The following OPCML variants were observed in gnomAD, a reference collection of about 807,000 sequenced individuals.
OPCML encodes the protein opioid-binding protein/cell adhesion molecule.
A neutral mutation model predicts 37.8 loss-of-function variants in OPCML; 13 were observed. That is an observed-to-expected ratio of 0.34 (90% CI 0.22 to 0.55). The LOEUF (loss-of-function observed/expected upper bound fraction) is 0.55, where lower values mean the gene tolerates loss of function less well. Among genes scored for constraint, OPCML ranks in the 20% least tolerant of loss-of-function variants. The pLI is 0.91. For missense variants in OPCML, 341 were observed against 435.6 expected, an observed-to-expected ratio of 0.78 and a Z score of 1.93; for synonymous variants, 176 against 168.8, an observed-to-expected ratio of 1.04 and a Z score of -0.33.
At chr11:132,447,464 A>ATTTTTTTT (rs537083917) in intron 4 of OPCML, among the ~76,000 whole-genome samples, 2 of 142,616 alleles carry the variant, frequency 1.4e-5, no homozygotes, top group Admixed American at 7.0e-5. Flanking sequence ...TGCCCAGTTA[A>ATTTTTTTT]TTTTTTTTTT....
chr11:133,146,087 C>T (rs75304489), intron 1 of OPCML, among the ~76,000 whole-genome samples: 1,674 of 152,232 alleles, frequency 0.011, 29 homozygotes, highest in African/African-American at 0.039. Context: ...GAGATTTTTA[C>T]TCTAGGCTTA....
At chr11:132,478,105 T>C (rs1283218474) in intron 4 of OPCML, among the ~76,000 whole-genome samples, 1 of 152,154 alleles carries the variant, frequency 6.6e-6, no homozygotes, top group East Asian at 1.9e-4. Context: ...AAGTAAAAGA[T>C]TAACTATGCT....
chr11:132,434,395 C>A (rs2096006661), intron 7 of OPCML, among the ~76,000 whole-genome samples: 2 of 152,202 alleles, frequency 1.3e-5, no homozygotes, highest in African/African-American at 4.8e-5. Context: ...GCAGCTACTG[C>A]TTCTTCTAAA....
intron 1 of OPCML, among the ~76,000 whole-genome samples, chr11:132,984,267 A>G (rs1198906879): frequency 2.0e-5 from 3 of 152,222 alleles, no homozygotes; most frequent in Non-Finnish European, 4.4e-5. Flanking sequence ...TTATTTTCTT[A>G]GAGTCCTTAT....
At chr11:133,262,161 G>A (rs1011112520) in intron 1 of OPCML, among the ~76,000 whole-genome samples, 7 of 152,134 alleles carry the variant, frequency 4.6e-5, no homozygotes, top group Non-Finnish European at 2.9e-5. Flanking sequence ...AGCTAAATCA[G>A]GCTCATGAAC....
intron 1 of OPCML, among the ~76,000 whole-genome samples, chr11:133,336,183 G>A (rs770536850): frequency 3.3e-5 from 5 of 152,216 alleles, no homozygotes; most frequent in South Asian, 2.1e-4. Flanking sequence ...AGCTCACAGC[G>A]TGCAGGACAA....
chr11:132,586,142 A>G (rs2096472125), intron 3 of OPCML, among the ~76,000 whole-genome samples: 1 of 152,186 alleles, frequency 6.6e-6, no homozygotes, highest in Admixed American at 6.5e-5. Flanking sequence ...CACTGCACCC[A>G]CATTGTTTCA....
chr11:132,585,973 T>G (rs1164673703), intron 3 of OPCML, among the ~76,000 whole-genome samples: 1 of 152,122 alleles, frequency 6.6e-6, no homozygotes, highest in Non-Finnish European at 1.5e-5. Flanking sequence ...GAATTGACAT[T>G]GTTACTCAGG....
At chr11:132,722,224 G>A (rs775208642) in intron 2 of OPCML, among the ~76,000 whole-genome samples, 33 of 150,784 alleles carry the variant, frequency 2.2e-4, no homozygotes, top group Admixed American at 4.6e-4. Context: ...CAAAGTGCTG[G>A]GATTACAGGC....
At chr11:132,675,295 A>C (rs1036250747) in intron 2 of OPCML, among the ~76,000 whole-genome samples, 9 of 151,838 alleles carry the variant, frequency 5.9e-5, no homozygotes, top group Non-Finnish European at 1.3e-4. Flanking sequence ...AAAAGATTTC[A>C]CTTTTATTTA....
chr11:133,283,950 C>G (rs546893304), intron 1 of OPCML, among the ~76,000 whole-genome samples: 2 of 152,158 alleles, frequency 1.3e-5, no homozygotes, highest in African/African-American at 2.4e-5. Flanking sequence ...ATCGCTTCCC[C>G]CCCCAGTACC....
At position 133,040,246 on chromosome 11, in the gene OPCML, C is replaced by A. The variant is rs531075530; in HGVS notation, c.62-97236G>T. On this transcript the variant is annotated intron_variant, in intron 1 of 7. Coordinates refer to ENST00000524381, the MANE Select transcript of OPCML (RefSeq NM_001012393.5). ...TTTCACCTCTGGAATGCCTTCATCA[C>A]CTCCTCCTCCCACTGCACGACTGAG... is the stretch of plus-strand genomic sequence containing the variant. Among the ~76,000 whole-genome samples the A allele has an allele frequency of 3.3e-5, 5 of 152,236 alleles. No individual in the cohort carries two copies. The South Asian group carries it at 1.0e-3, about 32-fold the overall frequency.
intron 1 of OPCML, among the ~76,000 whole-genome samples, chr11:133,392,721 A>G (rs536656903): frequency 6.6e-6 from 1 of 152,352 alleles, no homozygotes; most frequent in Non-Finnish European, 1.5e-5. Flanking sequence ...AAGAGGAAGT[A>G]AGATGTATCA....
chr11:132,942,773 G>A (rs1165615944), intron 2 of OPCML, among the ~76,000 whole-genome samples, 153 bp downstream of exon 2: 1 of 152,214 alleles, frequency 6.6e-6, no homozygotes, highest in South Asian at 2.1e-4. Context: ...GGGCACGGCA[G>A]TCGGCACGGC....
At position 132,943,505 on chromosome 11, in the gene OPCML, A is replaced by C; in HGVS notation, c.62-495T>G. 1 of 220,528 alleles carries C rather than the reference A, an allele frequency of 4.5e-6. No individual in the cohort carries two copies. The allele number at this position is 220,528 out of a possible 1,614,324, so 13.7% of individuals were successfully genotyped here. On this transcript the variant is annotated intron_variant, in intron 1 of 7. Coordinates refer to ENST00000524381, the MANE Select transcript of OPCML (RefSeq NM_001012393.5). This position sits in a 1 kb window ranked among gnomAD's most constrained non-coding sequence, Gnocchi z 4.3. Reference sequence around the variant, plus strand: ...TCTGGCATCAAAAGTTTATAACCCAAAGAAGAAGGCAAGTGTCTCTGACAT... The same window carrying C: ...TCTGGCATCAAAAGTTTATAACCCACAGAAGAAGGCAAGTGTCTCTGACAT...
intron 7 of OPCML, among the ~76,000 whole-genome samples, chr11:132,426,417 G>A (rs150087960): frequency 0.011 from 1,636 of 152,214 alleles, 25 homozygotes; most frequent in African/African-American, 0.037. Flanking sequence ...TGCTAGGTTT[G>A]TGCAAAAGTC....
intron 1 of OPCML, among the ~76,000 whole-genome samples, chr11:133,531,884 C>T (rs779880691): frequency 6.6e-6 from 1 of 152,118 alleles, no homozygotes; most frequent in African/African-American, 2.4e-5. Flanking sequence ...CCCTGCAGGT[C>T]CCAACATAGG....
chr11:132,502,414 C>G (rs1243985797), intron 4 of OPCML, among the ~76,000 whole-genome samples: 10 of 152,204 alleles, frequency 6.6e-5, no homozygotes, highest in Admixed American at 6.5e-4. Flanking sequence ...GCCAGTTCTC[C>G]CATCACAGTT....
intron 2 of OPCML, among the ~76,000 whole-genome samples, chr11:132,850,328 A>C (rs565952521): frequency 6.6e-6 from 1 of 152,300 alleles, no homozygotes. Context: ...CATCTTGAGA[A>C]ATTAGATCAA....
Sources: gnomAD v4.1 joint callset for allele counts (sites outside exome capture counted in the v4.1 genomes callset) on GRCh38, gnomAD v4.1.1 for gene constraint, Gnocchi (gnomAD v3.1) non-coding constraint, MANE v1.5 for transcripts, NCBI Gene and HGNC (gene_info 2026-07-23, HGNC 2026-07-21) for gene names.